PCDHA4: variants seen among roughly 807,000 people sequenced by gnomAD.
PCDHA4 encodes the protein protocadherin alpha-4.
In PCDHA4, 49 loss-of-function variants were observed where a neutral mutation model predicts 61.4. That is an observed-to-expected ratio of 0.80 (90% confidence interval 0.63 to 1.01). The LOEUF (loss-of-function observed/expected upper bound fraction) is 1.01, where lower values mean the gene tolerates loss of function less well. Ranked by LOEUF, PCDHA4 falls within the 50% of genes least tolerant of loss-of-function variation. The pLI is 0.00. For missense variants in PCDHA4, 1,254 were observed against 1,235.8 expected, an observed-to-expected ratio of 1.01 and a Z score of -0.22; for synonymous variants, 590 against 550.3, an observed-to-expected ratio of 1.07 and a Z score of -1.01.
chr5:140,951,183 G>A (rs1554219780), intron 1 of PCDHA4, among the ~76,000 whole-genome samples: 3 of 151,518 alleles, frequency 2.0e-5, no homozygotes, highest in Admixed American at 6.6e-5. Flanking sequence ...GTCATTGTCC[G>A]CTAATTCCCA....
chr5:140,825,706 G>A (rs1476381840), intron 1 of PCDHA4: 1 of 152,286 alleles, frequency 6.6e-6, no homozygotes, highest in Non-Finnish European at 1.5e-5. Context: ...GCAGGCATGA[G>A]CCATCGCGCC....
intron 1 of PCDHA4, chr5:140,817,607 C>T (rs1766165670): frequency 6.6e-6 from 1 of 152,170 alleles, no homozygotes. Context: ...AACGCTAAGA[C>T]CTTGAATCAT....
At position 140,976,185 on chromosome 5, in the gene PCDHA4, A is replaced by G. The variant is rs545410193; in HGVS notation, c.2386-2764A>G. Among the ~76,000 whole-genome samples the G allele has an allele frequency of 4.6e-5, 7 of 152,340 alleles. No homozygotes were observed. The South Asian group carries it at 1.2e-3, about 27-fold the overall frequency. ...TTTAGTTTTGTATTGTTTTAAATCAATATCCTGGAAACTCAGAAGTAAAAA... is the reference window on the plus strand; with the variant it reads ...TTTAGTTTTGTATTGTTTTAAATCAGTATCCTGGAAACTCAGAAGTAAAAA... On this transcript the variant is annotated intron_variant, in intron 1 of 3. Coordinates refer to ENST00000530339, the MANE Select transcript of PCDHA4 (RefSeq NM_018907.4).
chr5:140,843,647 C>T lies in PCDHA4; in HGVS notation c.2385+34075C>T, dbSNP rs2150364514. 10 of 1,595,364 alleles carry T rather than the reference C, an allele frequency of 6.3e-6. No individual in the cohort carries two copies. The African/African-American group carries it at 1.3e-4, about 21-fold the overall frequency. On this transcript the variant is annotated intron_variant, in intron 1 of 3. Coordinates refer to ENST00000530339, the MANE Select transcript of PCDHA4 (RefSeq NM_018907.4). Reference sequence around the variant, plus strand: ...GGACCTCATGGCCTTCAGCCCCTGCCTTCCTCCTGATCTGGGATCAGTTGA... The same window carrying T: ...GGACCTCATGGCCTTCAGCCCCTGCTTTCCTCCTGATCTGGGATCAGTTGA...
chr5:140,869,739 A>G lies in PCDHA4; in HGVS notation c.2385+60167A>G, dbSNP rs541641507. 5 of 1,613,386 alleles carry G rather than the reference A, an allele frequency of 3.1e-6. No individual in the cohort carries two copies. In the South Asian group the frequency reaches 5.5e-5, roughly 18 times the overall value. Reference sequence around the variant, plus strand: ...AAACTCCGGAACTTAATTTGCTGCTAACAGCTACAGACGGGGGAAAACCAG... The same window carrying G: ...AAACTCCGGAACTTAATTTGCTGCTGACAGCTACAGACGGGGGAAAACCAG... On this transcript the variant is annotated intron_variant, in intron 1 of 3. Transcript: ENST00000530339.
In PCDHA4 at chr5:140,846,348, C is replaced by G. The variant is rs2150387302; in HGVS notation, c.2385+36776C>G. 4.3e-5 allele frequency among the ~76,000 whole-genome samples: 6 copies of G among 138,740 alleles called. 1 individual carries two copies. Among genetic ancestry groups the G allele is most frequent in the Admixed American group, 4.3e-4 (6 of 13,918 alleles). The allele number at this position is 138,740 out of a possible 152,430, so 91.0% of individuals were successfully genotyped here. Reference sequence around the variant, plus strand: ...TAAATAGCCTTTTAAAGTGCTTTCTCTTTTTTCTTTTCTTTTCTTTCTTTC... The same window carrying G: ...TAAATAGCCTTTTAAAGTGCTTTCTGTTTTTTCTTTTCTTTTCTTTCTTTC... On this transcript the variant is annotated intron_variant, in intron 1 of 3. Coordinates refer to ENST00000530339, the MANE Select transcript of PCDHA4 (RefSeq NM_018907.4).
chr5:140,980,819 A>C (rs1178317133), intron 2 of PCDHA4, among the ~76,000 whole-genome samples: 1 of 152,216 alleles, frequency 6.6e-6, no homozygotes, highest in East Asian at 1.9e-4. Context: ...TGAACATATT[A>C]AATGAGTTGT....
At chr5:140,897,785 A>G (rs1246213890) in intron 1 of PCDHA4, among the ~76,000 whole-genome samples, 1 of 152,148 alleles carries the variant, frequency 6.6e-6, no homozygotes, top group Non-Finnish European at 1.5e-5. Context: ...CAATGGTTGA[A>G]CTAGTTTAGA....
At chr5:141,000,393 CTCTATATATA>C (rs1279908183) in intron 3 of PCDHA4, among the ~76,000 whole-genome samples, 25 of 52,852 alleles carry the variant, frequency 4.7e-4, no homozygotes, top group South Asian at 8.2e-4. Flanking sequence ...CTCTCTCTCT[CTCTATATATA>C]TATATATATA....
At chr5:140,973,324 C>T (rs1261856526) in intron 1 of PCDHA4, among the ~76,000 whole-genome samples, 4 of 152,174 alleles carry the variant, frequency 2.6e-5, no homozygotes, top group Admixed American at 1.3e-4. Context: ...ACAGAGTTTA[C>T]ACTCGTTGTA....
intron 3 of PCDHA4, chr5:140,989,000 GAGACTTATTAT>G (rs2097324899): frequency 6.6e-6 from 1 of 152,202 alleles, no homozygotes; most frequent in Non-Finnish European, 1.5e-5. Flanking sequence ...TAAGGAAATA[GAGACTTATTAT>G]AGTTTCTTCA....
intron 1 of PCDHA4, among the ~76,000 whole-genome samples, chr5:140,977,966 G>A (rs562447024): frequency 3.9e-5 from 6 of 152,004 alleles, no homozygotes; most frequent in South Asian, 4.2e-4. Context: ...CTCAATCTCC[G>A]CCCATGAAAA....
chr5:140,967,368 A>G (rs2096133589), intron 1 of PCDHA4: 1 of 1,607,738 alleles, frequency 6.2e-7, no homozygotes, highest in Non-Finnish European at 8.5e-7. Flanking sequence ...AAGCCCCTGC[A>G]GGAGAACAGT....
intron 1 of PCDHA4, among the ~76,000 whole-genome samples, chr5:140,960,767 G>A (rs1160174091): frequency 1.3e-5 from 2 of 152,036 alleles, no homozygotes; most frequent in Admixed American, 6.6e-5. Context: ...GAGTTACAGA[G>A]GAGAAATAGG....
chr5:140,836,386 C>G, intron 1 of PCDHA4: 1 of 1,613,722 alleles, frequency 6.2e-7, no homozygotes, highest in Non-Finnish European at 8.5e-7. Context: ...GTGCTGGTGT[C>G]GCTGGTGGAA....
intron 1 of PCDHA4, among the ~76,000 whole-genome samples, chr5:140,872,108 A>G (rs980071264): frequency 1.3e-5 from 2 of 152,072 alleles, no homozygotes; most frequent in African/African-American, 4.8e-5. Context: ...TGGCTTTCCT[A>G]ACTTCAGGCT....
At chr5:140,943,974 T>G (rs1356208474) in intron 1 of PCDHA4, among the ~76,000 whole-genome samples, 2 of 152,022 alleles carry the variant, frequency 1.3e-5, no homozygotes, top group African/African-American at 4.8e-5. Flanking sequence ...TTAAAGTAAT[T>G]AAGAAAACAG....
chr5:140,898,148 A>C lies in PCDHA4; in HGVS notation c.2386-80801A>C, dbSNP rs532668918. On this transcript the variant is annotated intron_variant, in intron 1 of 3. Coordinates refer to ENST00000530339, the MANE Select transcript of PCDHA4 (RefSeq NM_018907.4). ...CTCCCATTTTGTAGGTTGCCTGTTC[A>C]CGCTGATGGTGGTTTCTTTTGCTGT... Among the ~76,000 whole-genome samples, 1,044 of 152,230 alleles carry C rather than the reference A, an allele frequency of 6.9e-3. 8 individuals are homozygous for C. The highest frequency in any genetic ancestry group is 0.024 in the African/African-American group (1,010 of 41,492).
intron 1 of PCDHA4, among the ~76,000 whole-genome samples, chr5:140,897,980 A>C (rs1313292712): frequency 6.6e-6 from 1 of 152,206 alleles, no homozygotes. Context: ...GGCTGCATAA[A>C]TGTCTTCTTT....
Sources: allele counts gnomAD v4.1 joint callset (sites outside exome capture counted in the v4.1 genomes callset), GRCh38; gene constraint gnomAD v4.1.1; transcripts MANE v1.5; gene names NCBI Gene and HGNC (gene_info 2026-07-23, HGNC 2026-07-21).